ELP4: variants seen among roughly 807,000 people sequenced by gnomAD.
The protein encoded by ELP4 is elongator complex protein 4.
A neutral mutation model predicts 48.9 loss-of-function variants in ELP4; 51 were observed. The ratio of observed to expected loss-of-function variants is 1.04; its 90% CI spans 0.83 to 1.32. ELP4 has a LOEUF of 1.32. ELP4 is among the 40% of genes most tolerant of loss of function. ELP4 has a pLI of 0.00. For synonymous variants in ELP4, 210 were observed against 189.2 expected, an observed-to-expected ratio of 1.11 and a Z score of -0.90; for missense variants, 519 against 514.6, an observed-to-expected ratio of 1.01 and a Z score of -0.08.
At chr11:31,686,289 C>CA (rs1946157967) in intron 9 of ELP4, among the ~76,000 whole-genome samples, 3 of 149,052 alleles carry the variant, frequency 2.0e-5, no homozygotes, top group Admixed American at 2.0e-4. Flanking sequence ...TAGATTCTAC[C>CA]TGTACCATAT....
chr11:31,545,821 G>A (rs1209216716), intron 3 of ELP4, among the ~76,000 whole-genome samples: 3 of 152,064 alleles, frequency 2.0e-5, no homozygotes, highest in Non-Finnish European at 4.4e-5. Flanking sequence ...GAGAGTGGGG[G>A]CCAATATTGA....
At chr11:31,580,307 C>G (rs1024140139) in intron 3 of ELP4, among the ~76,000 whole-genome samples, 16 of 152,248 alleles carry the variant, frequency 1.1e-4, no homozygotes, top group African/African-American at 3.9e-4. Context: ...TTAGTATACT[C>G]TTTGAGACTT....
intron 2 of ELP4, among the ~76,000 whole-genome samples, chr11:31,527,905 T>A (rs1429670735): frequency 1.3e-5 from 2 of 152,068 alleles, no homozygotes; most frequent in Non-Finnish European, 2.9e-5. Context: ...TCTCTTCTCA[T>A]CCTCTCACTA....
chr11:31,653,700 C>T (rs1283123335), intron 9 of ELP4: 1 of 151,516 alleles, frequency 6.6e-6, no homozygotes, highest in Non-Finnish European at 1.5e-5. Flanking sequence ...AAAAATAGTG[C>T]AAATAATACA....
intron 2 of ELP4, among the ~76,000 whole-genome samples, chr11:31,523,513 C>T (rs1252632955): frequency 6.6e-6 from 1 of 152,132 alleles, no homozygotes; most frequent in Non-Finnish European, 1.5e-5. Context: ...ACTGTATTTA[C>T]AGCTTCAGTA....
intron 5 of ELP4, among the ~76,000 whole-genome samples, chr11:31,621,871 T>C (rs1944630038): frequency 6.6e-6 from 1 of 151,884 alleles, no homozygotes; most frequent in Admixed American, 6.6e-5. Context: ...TTTATCTTAG[T>C]ATAGCCAAAA....
At chr11:31,702,749 T>G (rs1219367696) in intron 9 of ELP4, among the ~76,000 whole-genome samples, 1 of 152,124 alleles carries the variant, frequency 6.6e-6, no homozygotes, top group Non-Finnish European at 1.5e-5. Context: ...TCTCTGAAAG[T>G]TTTTTAATTG....
rs1944468398 is a variant in ELP4 at position 31,615,850 on chromosome 11, C to CT, written c.654-11260_654-11259insT. On this transcript the variant is annotated intron_variant, in intron 5 of 9. Coordinates refer to ENST00000640961, the MANE Select transcript of ELP4 (RefSeq NM_019040.5). ...AATTGCATACCTTGTTCCATCTAGT[C>CT]ATCCCACCCAATCACCTTCCATCCT... Among the ~76,000 whole-genome samples the CT allele has an allele frequency of 2.0e-5, 3 of 152,162 alleles. No individual in the cohort carries two copies. In the South Asian group the frequency reaches 6.2e-4, roughly 32 times the overall value.
At chr11:31,736,216 A>G (rs1429809125) in intron 9 of ELP4, among the ~76,000 whole-genome samples, 3 of 152,148 alleles carry the variant, frequency 2.0e-5, no homozygotes, top group South Asian at 2.1e-4. Flanking sequence ...AGAAAAACAA[A>G]GAATGGGGAA....
At chr11:31,727,916 T>C (rs991559057) in intron 9 of ELP4, 4 of 152,162 alleles carry the variant, frequency 2.6e-5, no homozygotes, top group African/African-American at 7.2e-5. Flanking sequence ...GAAGATTTGT[T>C]GGCAGAGATG....
At chr11:31,718,510 T>A (rs1169669488) in intron 9 of ELP4, among the ~76,000 whole-genome samples, 1 of 152,208 alleles carries the variant, frequency 6.6e-6, no homozygotes, top group Non-Finnish European at 1.5e-5. Flanking sequence ...GCTTGTTGGA[T>A]GCACTATTCC....
chr11:31,763,214 TA>T (rs547674508), intron 9 of ELP4, among the ~76,000 whole-genome samples: 303 of 152,266 alleles, frequency 2.0e-3, no homozygotes, highest in Middle Eastern at 0.017. Flanking sequence ...TATGCATTCT[TA>T]AAAATATCCA....
At chr11:31,605,156 A>G (rs1225107271) in intron 5 of ELP4, among the ~76,000 whole-genome samples, 2 of 151,924 alleles carry the variant, frequency 1.3e-5, no homozygotes, top group African/African-American at 2.4e-5. Context: ...TTCCTGTGTC[A>G]TGGAGTAATG....
chr11:31,587,362 G>A (rs185018478), intron 3 of ELP4, among the ~76,000 whole-genome samples: 1 of 152,172 alleles, frequency 6.6e-6, no homozygotes, highest in Non-Finnish European at 1.5e-5. Flanking sequence ...TAATAGGGGG[G>A]AAAAAAACGA....
chr11:31,768,654 C>T (rs569317471), intron 9 of ELP4, among the ~76,000 whole-genome samples: 1 of 152,026 alleles, frequency 6.6e-6, no homozygotes, highest in Non-Finnish European at 1.5e-5. Context: ...TGTCAAATAC[C>T]TATAGTAAAT....
intron 6 of ELP4, among the ~76,000 whole-genome samples, chr11:31,628,992 T>A (rs1944804763): frequency 6.6e-6 from 1 of 152,022 alleles, no homozygotes; most frequent in Non-Finnish European, 1.5e-5. Flanking sequence ...TTTTTTAACG[T>A]GTTTTCAAAT....
At chr11:31,715,027 A>C in intron 9 of ELP4, 1 of 381,648 alleles carries the variant, frequency 2.6e-6, no homozygotes, top group Non-Finnish European at 4.6e-6. Flanking sequence ...CCTACCACAC[A>C]TTTCTTTCAT....
At chr11:31,614,675 G>C (rs548798121) in intron 5 of ELP4, among the ~76,000 whole-genome samples, 6 of 152,264 alleles carry the variant, frequency 3.9e-5, no homozygotes, top group Non-Finnish European at 8.8e-5. Flanking sequence ...ATGATCAAAA[G>C]CATGTATCAC....
At chr11:31,510,676 C>A in intron 1 of ELP4, 1 of 298,050 alleles carries the variant, frequency 3.4e-6, no homozygotes, top group Non-Finnish European at 6.1e-6. Flanking sequence ...TGCTACATTC[C>A]ATACGACATC....
Sources: gnomAD v4.1 joint callset for allele counts (sites outside exome capture counted in the v4.1 genomes callset) on GRCh38, gnomAD v4.1.1 for gene constraint, MANE v1.5 for transcripts, NCBI Gene and HGNC (gene_info 2026-07-23, HGNC 2026-07-21) for gene names.